The following DIDO1 variants were observed in gnomAD, a reference collection of about 807,000 sequenced individuals.
The protein encoded by DIDO1 is death-inducer obliterator 1.
Under a neutral mutation model 99.4 loss-of-function variants are expected in DIDO1, and 16 were observed. That is an observed-to-expected ratio of 0.16 (90% CI 0.11 to 0.24). The LOEUF is 0.24. DIDO1 is among the 10% of genes least tolerant of loss of function. The pLI is 1.00. For missense variants in DIDO1, 2,996 were observed against 3,014.0 expected (o/e 0.99, Z 0.14); for synonymous variants, 1,366 against 1,239.1 (o/e 1.10, Z -2.15).
rs2064138137 is a variant in DIDO1 at position 62,878,137 on chromosome 20, T to C, written c.*1096A>G. ...AGACTCCAAAGAACAAGTGAAGTTC[T>C]TTAATTTTACATCTGTAAAAGTTTA... On this transcript the variant is annotated 3_prime_UTR_variant, in exon 16 of 16. Coordinates refer to ENST00000395343, the MANE Select transcript of DIDO1 (RefSeq NM_001193369.2). 1 of 152,266 alleles carries C rather than the reference T, an allele frequency of 6.6e-6. No individual in the cohort carries two copies. Among genetic ancestry groups the C allele is most frequent in the African/African-American group, 2.4e-5 (1 of 41,470 alleles). 9.4% of individuals were successfully genotyped at this position (152,266 alleles called of 1,614,324 possible).
rs1393303298 is a variant in DIDO1, at chr20:62,881,797, G to C, written c.4159C>G (p.Pro1387Ala). ...EEEEDDRPYD[P>A]EEEYDPERAF... ...CTCTCCGGGTCGTACTCCTCCTCAG[G>C]GTCGTATGGCCTGTCGTCCTCCTCT... The change falls in exon 16 of 16, where the codon CCT becomes GCT. Residue 1387 changes from proline to alanine, a missense_variant. By Grantham distance (27) the Pro-to-Ala change is conservative. Around this residue, in one of 5 missense-constraint regions of DIDO1, gnomAD observed 1,562 missense variants for 1,412.6 expected, o/e 1.11. Coordinates refer to ENST00000395343, the MANE Select transcript of DIDO1 (RefSeq NM_001193369.2). The surrounding 1 kb of genome is among the most constrained non-coding windows in gnomAD (Gnocchi z 8.3). 1.2e-6 allele frequency: 2 copies of C among 1,613,416 alleles called. No individual in the cohort carries two copies. Among genetic ancestry groups the C allele is most frequent in the Admixed American group, 3.3e-5 (2 of 60,012 alleles).
intron 15 of DIDO1, chr20:62,888,331 C>G: frequency 1.0e-6 from 1 of 985,500 alleles, no homozygotes; most frequent in African/African-American, 1.7e-5. Context: ...CCTTAACATC[C>G]CCAGGGGAAG....
chr20:62,920,328 C>T (rs2065112643), intron 1 of DIDO1, among the ~76,000 whole-genome samples: 1 of 152,192 alleles, frequency 6.6e-6, no homozygotes, highest in African/African-American at 2.4e-5. Context: ...CCCTTAGAGA[C>T]CTGCATAATT....
intron 6 of DIDO1, among the ~76,000 whole-genome samples, chr20:62,903,812 C>G (rs1054403721): frequency 1.3e-5 from 2 of 152,194 alleles, no homozygotes; most frequent in Non-Finnish European, 2.9e-5. Context: ...CACCTCCTGT[C>G]CCTGGAGCAA....
At chr20:62,923,230 C>G (rs1207777739) in intron 1 of DIDO1, among the ~76,000 whole-genome samples, 1 of 152,004 alleles carries the variant, frequency 6.6e-6, no homozygotes, top group Non-Finnish European at 1.5e-5. Context: ...GGCTGGAGTG[C>G]AGTGGTGCGG....
exon 1 of DIDO1, chr20:62,937,853 A>C (rs1166499128): frequency 2.5e-6 from 1 of 398,292 alleles, no homozygotes; most frequent in East Asian, 3.6e-5. Flanking sequence ...CCGCGCTCCA[A>C]CGCCTCCGCA....
chr20:62,888,505 C>T (rs976153620), intron 15 of DIDO1: 22 of 985,416 alleles, frequency 2.2e-5, no homozygotes, highest in Middle Eastern at 5.2e-4. Flanking sequence ...CTCCAAGCTG[C>T]GCAGCACACG....
rs1464109635 is a variant in DIDO1 at position 62,893,979 on chromosome 20, G to A, written c.2788C>T (p.Pro930Ser). The A allele has an allele frequency of 1.2e-6, 2 of 1,613,740 alleles. No individual in the cohort carries two copies. The highest frequency in any genetic ancestry group is 1.7e-6 in the Non-Finnish European group (2 of 1,179,714). ...GGATGGCCATCTCCTGGAGGCCCAG[G>A]GAAATACGTTCTGTCCACATTTGGA... ...SHPNVDRTYF[P>S]GPPGDGHPEP... The change falls in exon 12 of 16, where the codon CCT (proline) becomes TCT (serine). Residue 930 changes from proline to serine, a missense_variant. This residue lies in a region of DIDO1 where 898 missense variants were observed against 972.7 expected (regional missense o/e 0.92). Transcript: ENST00000395343.
chr20:62,879,659 C>T lies in DIDO1; in HGVS notation c.6297G>A (p.Pro2099=). ...ERFDVGPKEK[P]LEEPDAQGRA... Reference sequence around the variant, plus strand: ...GGCCCTGGGCGTCGGGCTCCTCCAGCGGCTTCTCTTTGGGCCCCACGTCAA... The same window carrying T: ...GGCCCTGGGCGTCGGGCTCCTCCAGTGGCTTCTCTTTGGGCCCCACGTCAA... Residue 2099 remains proline, a synonymous_variant, in exon 16 of 16, where the codon CCG becomes CCA. Coordinates refer to ENST00000395343, the MANE Select transcript of DIDO1 (RefSeq NM_001193369.2). The surrounding 1 kb of genome is among the most constrained non-coding windows in gnomAD (Gnocchi z 6.3). The T allele has an allele frequency of 6.2e-7, 1 of 1,608,424 alleles. No homozygotes were observed.
In DIDO1 at chr20:62,896,867, AAAG is replaced by A. The variant is rs748369817; in HGVS notation, c.1715_1717del (p.Ser572del). ...TGGTGTGGCTGCTGCCACATTAGCA[AAAG>A]AAGACTTCTTTGGCACGAGGTTTCT... On this transcript the variant is annotated inframe_deletion, in exon 7 of 16. Coordinates refer to ENST00000395343, the MANE Select transcript of DIDO1 (RefSeq NM_001193369.2). This position sits in a 1 kb window ranked among gnomAD's most constrained non-coding sequence, Gnocchi z 4.4. 2.5e-5 allele frequency: 41 copies of A among 1,614,074 alleles called. No individual in the cohort carries two copies. Among genetic ancestry groups the A allele is most frequent in the Admixed American group, 5.0e-5 (3 of 60,014 alleles).
intron 1 of DIDO1, among the ~76,000 whole-genome samples, chr20:62,916,521 G>A (rs1042718334): frequency 6.6e-6 from 1 of 152,110 alleles, no homozygotes; most frequent in Non-Finnish European, 1.5e-5. Flanking sequence ...AAAATTCTAA[G>A]TATGTATTAA....
chr20:62,894,354 T>G lies in DIDO1; in HGVS notation c.2572+59A>C. 6.3e-7 allele frequency: 1 copy of G among 1,594,186 alleles called. No individual in the cohort carries two copies. ...GGTTGCTTTTAGGAGGTTCAGTGAT[T>G]TTTAACAAAATCAAGTTTAGTCTCA... On this transcript the variant is annotated intron_variant, in intron 11 of 15. Transcript: ENST00000395343. This position sits in a 1 kb window ranked among gnomAD's most constrained non-coding sequence, Gnocchi z 4.4.
rs557716115 is a variant in DIDO1, at chr20:62,909,924, T to C, written c.936A>G (p.Glu312=). ...TGGTGCAGTTTGGGCAGATATAGTC[T>C]TCCCCATTCCTTTCCAAAAGCCTCC... is the stretch of plus-strand genomic sequence containing the variant. ...ARGRLLERNG[E]DYICPNCTIL... The change falls in exon 4 of 16, where the codon GAA becomes GAG. Residue 312 remains glutamate (E), a synonymous_variant. Coordinates refer to ENST00000395343, the MANE Select transcript of DIDO1 (RefSeq NM_001193369.2). 101 of 1,614,152 alleles carry C rather than the reference T, an allele frequency of 6.3e-5. No individual in the cohort carries two copies. The East Asian group carries it at 2.2e-3, about 35-fold the overall frequency.
Position 62,880,558 on chromosome 20 carries a change from A to C in DIDO1, c.5398T>G (p.Phe1800Val). The change falls in exon 16 of 16, where the codon TTC (phenylalanine) becomes GTC (valine). Residue 1800 changes from phenylalanine (F) to valine (V), a missense_variant. Phe to Val is a conservative substitution (Grantham distance 50, BLOSUM62 -1). This residue lies in a region of DIDO1 where 1,562 missense variants were observed against 1,412.6 expected (regional missense o/e 1.11). Coordinates refer to ENST00000395343, the MANE Select transcript of DIDO1 (RefSeq NM_001193369.2). ...GGGATGGGCCCCTTCTGGGCTCCGA[A>C]TCTGGCTGGCGGAGGCCCTCGTGGC... The part of the protein sequence containing the change: ...DGPRGPPPAR[F>V]GAQKGPIPSL... 1.2e-6 allele frequency: 2 copies of C among 1,612,926 alleles called. No individual in the cohort carries two copies. Among genetic ancestry groups the C allele is most frequent in the Non-Finnish European group, 8.5e-7 (1 of 1,179,994 alleles).
chr20:62,928,373 G>C (rs994206883), upstream of DIDO1, among the ~76,000 whole-genome samples: 3 of 152,156 alleles, frequency 2.0e-5, no homozygotes, highest in Non-Finnish European at 4.4e-5. Context: ...CTTCCTTCCT[G>C]CAAGTCCAGA....
rs1017534169 is a variant in DIDO1 at position 62,877,861 on chromosome 20, A to T, written c.*1372T>A. The T allele has an allele frequency of 6.6e-6, 1 of 152,252 alleles. No homozygotes were observed. The allele number at this position is 152,252 out of a possible 1,614,324, so 9.4% of individuals were successfully genotyped here. A position where few individuals can be genotyped will look rare whatever the true frequency, so the allele number is the denominator to read the frequency against. ...AATGTACAGGAATCTCTATCAAGTA[A>T]ACTAAAGAAACACACTTGATTTTTA... On this transcript the variant is annotated 3_prime_UTR_variant, in exon 16 of 16. Transcript: ENST00000395343.
rs981049274 is a variant in DIDO1 at position 62,909,749 on chromosome 20, C to T, written c.1111G>A (p.Glu371Lys). Reference protein sequence around the residue: ...SEDQGIKGRIEKAANPSGKKK... With the variant: ...SEDQGIKGRIKKAANPSGKKK... ...TTGCCACTTGGATTTGCAGCTTTCT[C>T]AATTCTACCCTTTATCCCTTGGTCT... The change falls in exon 4 of 16, where the codon GAG (glutamate) becomes AAG (lysine). Residue 371 changes from glutamate (E) to lysine (K), a missense_variant. Glu to Lys is a moderately conservative substitution (Grantham distance 56). Transcript: ENST00000395343. 1.2e-6 allele frequency: 2 copies of T among 1,614,156 alleles called. No individual in the cohort carries two copies. Among genetic ancestry groups the T allele is most frequent in the African/African-American group, 1.3e-5 (1 of 75,068 alleles).
At position 62,904,963 on chromosome 20, in the gene DIDO1, A is replaced by T. The variant is rs979338863; in HGVS notation, c.1588+924T>A. ...ACTATTTAACCTTTCGGTGCTTTTT[A>T]AAAAAAGCACAAAATGCACTATAGA... On this transcript the variant is annotated intron_variant, in intron 6 of 15. Coordinates refer to ENST00000395343, the MANE Select transcript of DIDO1 (RefSeq NM_001193369.2). The T allele has an allele frequency of 3.1e-5, 30 of 981,274 alleles. No homozygotes were observed. In the African/African-American group the frequency reaches 4.0e-4, roughly 13 times the overall value. The allele number at this position is 981,274 out of a possible 1,614,324, so 60.8% of individuals were successfully genotyped here.
intron 6 of DIDO1, among the ~76,000 whole-genome samples, chr20:62,898,795 G>C (rs2064595400): frequency 6.6e-6 from 1 of 152,244 alleles, no homozygotes; most frequent in African/African-American, 2.4e-5. Flanking sequence ...AAAGGTGACA[G>C]CTAGTTTTTA....
Sources: allele counts gnomAD v4.1 joint callset (sites outside exome capture counted in the v4.1 genomes callset), GRCh38; gene constraint gnomAD v4.1.1; regional missense constraint gnomAD v4.1.1; non-coding constraint Gnocchi (gnomAD v3.1); transcripts MANE v1.5; gene names NCBI Gene and HGNC (gene_info 2026-07-23, HGNC 2026-07-21).